ZNF280D: variants seen among roughly 807,000 people sequenced by gnomAD.
ZNF280D encodes zinc finger protein 280D.
A neutral mutation model predicts 94.7 loss-of-function variants in ZNF280D; 39 were observed. The ratio of observed to expected loss-of-function variants is 0.41; its 90% CI spans 0.32 to 0.54. The LOEUF (loss-of-function observed/expected upper bound fraction) is 0.54, where lower values mean the gene tolerates loss of function less well. Ranked by LOEUF, ZNF280D falls within the 20% of genes least tolerant of loss-of-function variation. The pLI is 0.22. For missense variants in ZNF280D, 1,090 were observed against 1,149.3 expected, an observed-to-expected ratio of 0.95 and a Z score of 0.75; for synonymous variants, 398 against 377.6, an observed-to-expected ratio of 1.05 and a Z score of -0.63.
intron 3 of ZNF280D, among the ~76,000 whole-genome samples, chr15:56,706,176 T>C (rs1462013283): frequency 7.2e-6 from 1 of 138,884 alleles, no homozygotes; most frequent in Non-Finnish European, 1.5e-5. Context: ...CACAGGAAGA[T>C]GTAAGGAGAA....
At chr15:56,698,752 G>A (rs1194010315) in intron 6 of ZNF280D, 2 of 152,188 alleles carry the variant, frequency 1.3e-5, no homozygotes, top group Non-Finnish European at 2.9e-5. Flanking sequence ...TCACCTGCTA[G>A]CTTTGAGGAA....
At chr15:56,704,690 T>C (rs1377671696) in intron 3 of ZNF280D, among the ~76,000 whole-genome samples, 1 of 152,120 alleles carries the variant, frequency 6.6e-6, no homozygotes, top group African/African-American at 2.4e-5. Flanking sequence ...GATTCAAGAA[T>C]GCCAGGCAGG....
chr15:56,707,452 T>C, intron 1 of ZNF280D, 146 bp from the exon 2 acceptor site: 1 of 435,602 alleles, frequency 2.3e-6, no homozygotes, highest in Non-Finnish European at 3.7e-6. Flanking sequence ...GGTTCATTCC[T>C]GAATAAACCC....
At chr15:56,644,320 C>T (rs1215531313) in intron 19 of ZNF280D, among the ~76,000 whole-genome samples, 2 of 151,942 alleles carry the variant, frequency 1.3e-5, no homozygotes, top group Non-Finnish European at 2.9e-5. Context: ...GATGAGATCA[C>T]ATCAAGTATA....
intron 1 of ZNF280D, among the ~76,000 whole-genome samples, chr15:56,712,100 T>C (rs1344886513): frequency 6.6e-6 from 1 of 152,218 alleles, no homozygotes. Flanking sequence ...TTTCTCATGA[T>C]GAAATTTTAG....
At chr15:56,665,801 A>G (rs545645261) in intron 16 of ZNF280D, among the ~76,000 whole-genome samples, 2 of 152,204 alleles carry the variant, frequency 1.3e-5, no homozygotes, top group East Asian at 3.9e-4. Context: ...GAAAGTAACC[A>G]TTATTGAAAC....
At chr15:56,706,305 T>C (rs1456418881) in intron 3 of ZNF280D, among the ~76,000 whole-genome samples, 1 of 150,094 alleles carries the variant, frequency 6.7e-6, no homozygotes, top group Non-Finnish European at 1.5e-5. Context: ...TGAAACCCAG[T>C]CTCTACTAAA....
intron 1 of ZNF280D, among the ~76,000 whole-genome samples, chr15:56,717,652 C>T (rs527820054): frequency 2.0e-5 from 3 of 152,030 alleles, no homozygotes; most frequent in Non-Finnish European, 2.9e-5. Context: ...TATTATTTCA[C>T]CTAATCCTCA....
intron 19 of ZNF280D, 93 bp downstream of exon 19, chr15:56,654,105 T>C: frequency 6.5e-7 from 1 of 1,540,862 alleles, no homozygotes; most frequent in African/African-American, 1.4e-5. Flanking sequence ...CAACATACTT[T>C]AATACTTTTC....
rs372556438 is a variant in ZNF280D, at chr15:56,731,957, C to T, written c.-86+1501G>A. ...GGCTGAGGTGAGAGGTCAGCTTGAG[C>T]CCAGGAGTCTGAGACCAGCCTGGGC... On this transcript the variant is annotated intron_variant, in intron 1 of 21. Transcript: ENST00000267807. Among the ~76,000 whole-genome samples the T allele has an allele frequency of 2.0e-5, 3 of 152,136 alleles. No individual in the cohort carries two copies. In the South Asian group the frequency reaches 6.2e-4, roughly 32 times the overall value.
chr15:56,733,232 G>A (rs1439001438), intron 1 of ZNF280D, among the ~76,000 whole-genome samples: 1 of 152,128 alleles, frequency 6.6e-6, no homozygotes, highest in East Asian at 1.9e-4. Context: ...CGAGGCGGCT[G>A]CCGCGTCGCG....
rs1344538817 is a variant in ZNF280D at position 56,733,485 on chromosome 15, G to A, written c.-113C>T. The A allele has an allele frequency of 1.8e-6, 2 of 1,128,184 alleles. No individual in the cohort carries two copies. Among genetic ancestry groups the A allele is most frequent in the Admixed American group, 9.6e-5 (2 of 20,760 alleles). The allele number at this position is 1,128,184 out of a possible 1,614,324, so 69.9% of individuals were successfully genotyped here. A position where few individuals can be genotyped will look rare whatever the true frequency, so the allele number is the denominator to read the frequency against. On this transcript the variant is annotated 5_prime_UTR_variant, in exon 1 of 22. Transcript: ENST00000267807. The stretch of plus-strand genomic sequence containing the variant: ...TGAGCGGAGCGGATCGGCCTGACTG[G>A]AGCCCTGAGGAGGAGGAGAAAGAGG...
chr15:56,716,567 A>G (rs991026598), intron 1 of ZNF280D, among the ~76,000 whole-genome samples: 3 of 151,962 alleles, frequency 2.0e-5, no homozygotes, highest in Non-Finnish European at 2.9e-5. Context: ...GATAGACAAG[A>G]GTTAAACAAT....
At chr15:56,684,191 G>C (rs1255372590) in intron 9 of ZNF280D, among the ~76,000 whole-genome samples, 11 of 152,164 alleles carry the variant, frequency 7.2e-5, no homozygotes, top group Non-Finnish European at 1.5e-4. Flanking sequence ...CAGCTAGCAA[G>C]CTGTGAGACT....
intron 11 of ZNF280D, among the ~76,000 whole-genome samples, chr15:56,678,155 G>T (rs2055372205): frequency 6.6e-6 from 1 of 151,896 alleles, no homozygotes; most frequent in Non-Finnish European, 1.5e-5. Flanking sequence ...TTACAGGCAT[G>T]CACCACCATG....
At chr15:56,711,306 T>C (rs1377377002) in intron 1 of ZNF280D, among the ~76,000 whole-genome samples, 2 of 152,208 alleles carry the variant, frequency 1.3e-5, no homozygotes, top group African/African-American at 4.8e-5. Context: ...CACATCTCAG[T>C]GCCTGGCACA....
intron 20 of ZNF280D, among the ~76,000 whole-genome samples, chr15:56,637,727 T>C (rs2052425791): frequency 6.6e-6 from 1 of 152,064 alleles, no homozygotes; most frequent in Admixed American, 6.6e-5. Flanking sequence ...AAAACAGAAG[T>C]GTGTAAAAAT....
intron 1 of ZNF280D, chr15:56,730,548 C>G (rs1218371823): frequency 6.6e-6 from 1 of 152,222 alleles, no homozygotes; most frequent in African/African-American, 2.4e-5. Flanking sequence ...GAAGCACTTG[C>G]AATCCTCCAA....
chr15:56,640,564 C>G (rs1194969240), intron 20 of ZNF280D, among the ~76,000 whole-genome samples: 1 of 152,058 alleles, frequency 6.6e-6, no homozygotes, highest in Non-Finnish European at 1.5e-5. Flanking sequence ...TTTTATTCTC[C>G]TGGCTAATGG....
Sources: allele counts gnomAD v4.1 joint callset (sites outside exome capture counted in the v4.1 genomes callset), GRCh38; gene constraint gnomAD v4.1.1; transcripts MANE v1.5; gene names NCBI Gene and HGNC (gene_info 2026-07-23, HGNC 2026-07-21).